MYRIP: variants seen among roughly 807,000 people sequenced by gnomAD.
The protein encoded by MYRIP is myosin VIIA and Rab interacting protein, also known as rab effector MyRIP.
In MYRIP, 49 loss-of-function variants were observed where a neutral mutation model predicts 98.0. The ratio of observed to expected loss-of-function variants is 0.50; its 90% CI spans 0.40 to 0.63. The LOEUF is 0.63. MYRIP is among the 30% of genes least tolerant of loss of function. MYRIP has a pLI of 0.00. For synonymous variants in MYRIP, 404 were observed against 409.5 expected, an observed-to-expected ratio of 0.99 and a Z score of 0.16; for missense variants, 1,004 against 1,058.2, an observed-to-expected ratio of 0.95 and a Z score of 0.71.
At chr3:40,135,953 G>T (rs1332546897) in intron 3 of MYRIP, among the ~76,000 whole-genome samples, 3 of 152,152 alleles carry the variant, frequency 2.0e-5, no homozygotes, top group African/African-American at 7.2e-5. Context: ...AGAACATCAA[G>T]GCTAGGAAGA....
chr3:40,157,593 T>A (rs1950272830), intron 4 of MYRIP, among the ~76,000 whole-genome samples: 1 of 146,100 alleles, frequency 6.8e-6, no homozygotes, highest in African/African-American at 2.5e-5. Context: ...CTTGTACCTC[T>A]GGTAGAATTT....
intron 11 of MYRIP, among the ~76,000 whole-genome samples, chr3:40,219,159 T>C (rs1353876606): frequency 6.6e-6 from 1 of 152,136 alleles, no homozygotes; most frequent in Non-Finnish European, 1.5e-5. Context: ...TCATACTACA[T>C]ACAAGAATAA....
chr3:40,133,355 C>T (rs1296130624), intron 3 of MYRIP, among the ~76,000 whole-genome samples: 2 of 152,124 alleles, frequency 1.3e-5, no homozygotes, highest in Non-Finnish European at 2.9e-5. Context: ...TCTTGGGAGG[C>T]CTGATGTAAT....
At chr3:40,036,302 C>CAAAAAAAAAAA (rs71091786) in intron 2 of MYRIP, among the ~76,000 whole-genome samples, 1 of 64,288 alleles carries the variant, frequency 1.6e-5, no homozygotes, top group African/African-American at 5.7e-5. Context: ...CAACTGATAC[C>CAAAAAAAAAAA]AAAAAAAAAA....
rs1324653342 is a variant in MYRIP, at chr3:40,259,589, T to TAAAAGAG, written c.*1423_*1424insAAAAGAG. 6.6e-6 allele frequency: 1 copy of TAAAAGAG among 152,244 alleles called. No individual in the cohort carries two copies. The highest frequency in any genetic ancestry group is 2.4e-5 in the African/African-American group (1 of 41,450). The allele number at this position is 152,244 out of a possible 1,614,324, so 9.4% of individuals were successfully genotyped here. The stretch of plus-strand genomic sequence containing the variant: ...GGAATGCATCACAAAAGCCTAACTC[T>TAAAAGAG]GTTGTTTTCAACCTCTACGTTATTT... On this transcript the variant is annotated 3_prime_UTR_variant, in exon 17 of 17. Transcript: ENST00000302541.
chr3:40,190,074 A>G lies in MYRIP; in HGVS notation c.1276A>G (p.Thr426Ala), dbSNP rs1395748550. 1 of 1,613,948 alleles carries G rather than the reference A, an allele frequency of 6.2e-7. No homozygotes were observed. The highest frequency in any genetic ancestry group is 8.5e-7 in the Non-Finnish European group (1 of 1,179,920). Residue 426 changes from threonine to alanine, a missense_variant, in exon 10 of 17, where the codon ACA (threonine) becomes GCA (alanine). Thr to Ala is a moderately conservative substitution (Grantham distance 58, BLOSUM62 0). Around this residue, in one of 3 missense-constraint regions of MYRIP, gnomAD observed 880 missense variants for 907.7 expected, o/e 0.97. Transcript: ENST00000302541. ...GCCCAGGAACCCCCAGCCTCAGCCC[A>G]CACAGGCCCAGAGCTCTGACCAAGG... ...ALPRNPQPQP[T>A]QAQSSDQGPI...
chr3:39,927,593 C>A lies in MYRIP; in HGVS notation c.110+26667C>A, dbSNP rs186403652. Reference sequence around the variant, plus strand: ...AAAAAATCCCTGCACCAGATGGATTCACAGCCGAATTCTGCCAGACATACA... The same window carrying A: ...AAAAAATCCCTGCACCAGATGGATTAACAGCCGAATTCTGCCAGACATACA... On this transcript the variant is annotated intron_variant, in intron 2 of 16. Transcript: ENST00000302541. Among the ~76,000 whole-genome samples the A allele has an allele frequency of 1.3e-3, 198 of 152,106 alleles. 1 individual carries two copies. The highest frequency in any genetic ancestry group is 1.7e-3 in the Non-Finnish European group (115 of 67,922).
intron 2 of MYRIP, among the ~76,000 whole-genome samples, chr3:40,031,042 C>A (rs576960933): frequency 2.0e-5 from 3 of 152,180 alleles, no homozygotes; most frequent in African/African-American, 4.8e-5. Flanking sequence ...GTATATCAGT[C>A]TATTTGGCCG....
At chr3:40,045,654 A>G (rs944178084) in intron 3 of MYRIP, among the ~76,000 whole-genome samples, 12 of 152,212 alleles carry the variant, frequency 7.9e-5, no homozygotes, top group African/African-American at 2.7e-4. Flanking sequence ...GTTGGAAGAA[A>G]TAAGAGTAGA....
intron 2 of MYRIP, among the ~76,000 whole-genome samples, chr3:39,926,136 T>C (rs915008777): frequency 6.6e-6 from 1 of 152,160 alleles, no homozygotes; most frequent in African/African-American, 2.4e-5. Context: ...TGTCGTCTTT[T>C]GAAAAGTGTC....
chr3:40,206,947 CTTAATA>C (rs1352009636), intron 10 of MYRIP, among the ~76,000 whole-genome samples: 2 of 152,088 alleles, frequency 1.3e-5, no homozygotes, highest in Non-Finnish European at 1.5e-5. Flanking sequence ...TGAGCCAAAG[CTTAATA>C]TTAATAAAAG....
chr3:40,046,402 G>A (rs972982746), intron 3 of MYRIP, among the ~76,000 whole-genome samples: 1 of 151,866 alleles, frequency 6.6e-6, no homozygotes, highest in East Asian at 1.9e-4. Flanking sequence ...TAGCACCAGA[G>A]CCTGACACAT....
intron 1 of MYRIP, among the ~76,000 whole-genome samples, chr3:39,874,350 T>G (rs1265261812): frequency 1.3e-5 from 2 of 151,648 alleles, no homozygotes; most frequent in African/African-American, 4.9e-5. Flanking sequence ...CCTGCCTAAT[T>G]GCCTGGGCCA....
At chr3:39,940,199 T>C (rs927624259) in intron 2 of MYRIP, among the ~76,000 whole-genome samples, 1 of 152,094 alleles carries the variant, frequency 6.6e-6, no homozygotes, top group African/African-American at 2.4e-5. Context: ...AGCTATTTTT[T>C]TGTGCATGCA....
chr3:40,148,016 T>C (rs1334271652), intron 3 of MYRIP, among the ~76,000 whole-genome samples: 1 of 152,180 alleles, frequency 6.6e-6, no homozygotes, highest in Non-Finnish European at 1.5e-5. Flanking sequence ...TGTCTGAAAA[T>C]GTCTTTATTT....
At chr3:39,890,949 A>G (rs114995245) in intron 1 of MYRIP, among the ~76,000 whole-genome samples, 718 of 152,230 alleles carry the variant, frequency 4.7e-3, no homozygotes, top group Non-Finnish European at 7.8e-3. Flanking sequence ...TGATGTCTGC[A>G]GCTTCAGGAA....
chr3:39,900,783 C>A lies in MYRIP; in HGVS notation c.-30-4C>A. On this transcript the variant is annotated splice_polypyrimidine_tract_variant and splice_region_variant and intron_variant, in intron 1 of 16. Coordinates refer to ENST00000302541, the MANE Select transcript of MYRIP (RefSeq NM_015460.4). ...ATCTTGCTTGTATCATTTTGGTTTC[C>A]CAGGTCTTGTTTCATCATCTGTGTT... 2 of 1,540,144 alleles carry A rather than the reference C, an allele frequency of 1.3e-6. No homozygotes were observed. Among genetic ancestry groups the A allele is most frequent in the South Asian group, 1.2e-5 (1 of 86,474 alleles).
At chr3:39,931,418 A>G (rs1182155720) in intron 2 of MYRIP, among the ~76,000 whole-genome samples, 1 of 151,206 alleles carries the variant, frequency 6.6e-6, no homozygotes, top group Non-Finnish European at 1.5e-5. Context: ...AGTTCTGACA[A>G]TTTTTTATGG....
intron 2 of MYRIP, among the ~76,000 whole-genome samples, chr3:39,978,992 G>A (rs1341752145): frequency 1.3e-5 from 2 of 152,116 alleles, no homozygotes; most frequent in African/African-American, 4.8e-5. Flanking sequence ...CATAGGAGGT[G>A]GAGAAGCCCA....
Sources: allele counts gnomAD v4.1 joint callset (sites outside exome capture counted in the v4.1 genomes callset), GRCh38; gene constraint gnomAD v4.1.1; regional missense constraint gnomAD v4.1.1; transcripts MANE v1.5; gene names NCBI Gene and HGNC (gene_info 2026-07-23, HGNC 2026-07-21).